Variants in TMOD1 observed in about 807,000 individuals in gnomAD.
TMOD1 encodes tropomodulin-1.
A neutral mutation model predicts 40.6 loss-of-function variants in TMOD1; 17 were observed. The observed-to-expected ratio is 0.42, with a 90% CI of 0.29 to 0.63. The LOEUF (loss-of-function observed/expected upper bound fraction) is 0.63. TMOD1 is among the 20% of genes least tolerant of loss of function. TMOD1 has a pLI of 0.22. For synonymous variants in TMOD1, 181 were observed against 175.0 expected (o/e 1.03, Z -0.27); for missense variants, 391 against 447.6 (o/e 0.87, Z 1.14).
chr9:97,522,951 G>T (rs78700708), intron 1 of TMOD1, among the ~76,000 whole-genome samples: 1 of 152,136 alleles, frequency 6.6e-6, no homozygotes, highest in African/African-American at 2.4e-5. Context: ...GGACAATAGC[G>T]CTCGAGGTCC....
intron 3 of TMOD1, among the ~76,000 whole-genome samples, chr9:97,546,929 CAA>C (rs71308254): frequency 7.2e-5 from 4 of 55,196 alleles, no homozygotes; most frequent in African/African-American, 7.3e-5. Flanking sequence ...ACTCCGTCTC[CAA>C]AAAAAAAAAA....
chr9:97,504,452 G>A (rs1387079782), intron 1 of TMOD1, among the ~76,000 whole-genome samples: 1 of 152,178 alleles, frequency 6.6e-6, no homozygotes, highest in African/African-American at 2.4e-5. Flanking sequence ...GGCATTCTAG[G>A]ATAAAGAGTA....
rs1587972741 is a variant in TMOD1 at position 97,601,675 on chromosome 9, A to G, written c.*1977A>G. On this transcript the variant is annotated 3_prime_UTR_variant, in exon 10 of 10. Coordinates refer to ENST00000259365, the MANE Select transcript of TMOD1 (RefSeq NM_003275.4). ...ACATAGTGTCTGTTGCAACTATTCA[A>G]CTCTGCCATAGATCATGTGTAAAGG... 1.5e-6 allele frequency: 1 copy of G among 654,178 alleles called. No individual in the cohort carries two copies. Among genetic ancestry groups the G allele is most frequent in the Non-Finnish European group, 1.9e-6 (1 of 526,780 alleles). The allele number at this position is 654,178 out of a possible 1,614,324, so 40.5% of individuals were successfully genotyped here.
At chr9:97,536,169 G>A (rs1486498809) in intron 2 of TMOD1, among the ~76,000 whole-genome samples, 1 of 152,196 alleles carries the variant, frequency 6.6e-6, no homozygotes, top group African/African-American at 2.4e-5. Context: ...TGTATATTGG[G>A]ATGGGACCAT....
At position 97,600,086 on chromosome 9, in the gene TMOD1, TG is replaced by T; in HGVS notation, c.*389del. Reference sequence around the variant, plus strand: ...AACGGCACACTCTTCCACATGCTTTTGAAGTATTATAAAACACTTTATTACA... The same window carrying T: ...AACGGCACACTCTTCCACATGCTTTTAAGTATTATAAAACACTTTATTACA... On this transcript the variant is annotated 3_prime_UTR_variant, in exon 10 of 10. Transcript: ENST00000259365. The T allele has an allele frequency of 3.9e-6, 4 of 1,026,218 alleles. No individual in the cohort carries two copies. The highest frequency in any genetic ancestry group is 4.7e-6 in the Non-Finnish European group (4 of 852,188). The allele number at this position is 1,026,218 out of a possible 1,614,324, so 63.6% of individuals were successfully genotyped here.
chr9:97,555,457 C>T lies in TMOD1; in HGVS notation c.397+2057C>T, dbSNP rs543871439. The T allele has an allele frequency of 4.2e-5, 60 of 1,424,606 alleles. 1 individual carries two copies. In the East Asian group the frequency reaches 1.5e-3, roughly 35 times the overall value. 88.2% of individuals were successfully genotyped at this position (1,424,606 alleles called of 1,614,324 possible). A position where few individuals can be genotyped will look rare whatever the true frequency, so the allele number is the denominator to read the frequency against. ...CCTGTGCCAGGTCAGAGCTGCAACTCTGTGCTACGTTTCTGTGTGGCTTTC... is the reference window on the plus strand; with the variant it reads ...CCTGTGCCAGGTCAGAGCTGCAACTTTGTGCTACGTTTCTGTGTGGCTTTC... On this transcript the variant is annotated intron_variant, in intron 4 of 9. Coordinates refer to ENST00000259365, the MANE Select transcript of TMOD1 (RefSeq NM_003275.4).
chr9:97,546,450 T>G, intron 3 of TMOD1, 109 bp downstream of exon 3: 1 of 1,177,050 alleles, frequency 8.5e-7, no homozygotes, highest in South Asian at 1.6e-5. Flanking sequence ...TGACTGGGCC[T>G]CCTTGTCCTC....
chr9:97,544,525 G>T (rs1349900734), intron 2 of TMOD1, among the ~76,000 whole-genome samples: 1 of 151,208 alleles, frequency 6.6e-6, no homozygotes, highest in Non-Finnish European at 1.5e-5. Context: ...GACAGAGAAA[G>T]ACTCTGTCTC....
intron 6 of TMOD1, among the ~76,000 whole-genome samples, chr9:97,565,265 AT>A (rs1830709263): frequency 6.6e-6 from 1 of 152,188 alleles, no homozygotes; most frequent in Non-Finnish European, 1.5e-5. Context: ...TAAAAAATAT[AT>A]ACCAACGCCC....
intron 7 of TMOD1, among the ~76,000 whole-genome samples, chr9:97,567,628 C>G (rs1830748809): frequency 6.6e-6 from 1 of 152,216 alleles, no homozygotes; most frequent in Admixed American, 6.5e-5. Flanking sequence ...CAGGCCAGGC[C>G]TTTCCTGGGA....
Position 97,568,911 on chromosome 9 carries a change from C to T in TMOD1, c.744C>T (p.Leu248=). ...GCTTCAAGGCCCTTGCTGAGATGCT[C>T]AAGGAGAACAAGGTGTTGAAGACAC... ...DPVAYALAEM[L]KENKVLKTLN... is the part of the protein sequence containing the mutation. Residue 248 remains leucine (L), a synonymous_variant, in exon 8 of 10, where the codon CTC becomes CTT. Coordinates refer to ENST00000259365, the MANE Select transcript of TMOD1 (RefSeq NM_003275.4). 1 of 1,614,074 alleles carries T rather than the reference C, an allele frequency of 6.2e-7. No homozygotes were observed. The highest frequency in any genetic ancestry group is 8.5e-7 in the Non-Finnish European group (1 of 1,180,000).
chr9:97,573,146 C>T (rs1830848746), intron 8 of TMOD1, among the ~76,000 whole-genome samples: 1 of 152,232 alleles, frequency 6.6e-6, no homozygotes, highest in Non-Finnish European at 1.5e-5. Context: ...AGGGAGCCTG[C>T]AGGCCCGGCC....
At position 97,502,335 on chromosome 9, in the gene TMOD1, G is replaced by T. The variant is rs933143291; in HGVS notation, c.-49+532G>T. 6.6e-6 allele frequency among the ~76,000 whole-genome samples: 1 copy of T among 152,204 alleles called. No homozygotes were observed. Among genetic ancestry groups the T allele is most frequent in the African/African-American group, 2.4e-5 (1 of 41,462 alleles). ...TGGATCCCAGGTTCGCGCTGAGAGTGTTTGGGGCAGGTGAAGTTTCCCAAA... is the reference window on the plus strand; with the variant it reads ...TGGATCCCAGGTTCGCGCTGAGAGTTTTTGGGGCAGGTGAAGTTTCCCAAA... On this transcript the variant is annotated intron_variant, in intron 1 of 9. Transcript: ENST00000259365. This position sits in a 1 kb window ranked among gnomAD's most constrained non-coding sequence, Gnocchi z 6.1.
chr9:97,517,829 G>T (rs1041473202), intron 1 of TMOD1: 1 of 152,790 alleles, frequency 6.5e-6, no homozygotes, highest in Admixed American at 6.5e-5. Context: ...AGGACAGCGA[G>T]TGGGCGTGGC....
chr9:97,601,112 C>T lies in TMOD1; in HGVS notation c.*1414C>T. On this transcript the variant is annotated 3_prime_UTR_variant, in exon 10 of 10. Coordinates refer to ENST00000259365, the MANE Select transcript of TMOD1 (RefSeq NM_003275.4). ...GGGCCTCAGCGCTATGGAAGAGTGT[C>T]CACTGAGGCTGCACATGGCCCAGGA... 1 of 1,304,316 alleles carries T rather than the reference C, an allele frequency of 7.7e-7. No homozygotes were observed. The highest frequency in any genetic ancestry group is 1.0e-6 in the Non-Finnish European group (1 of 988,950). 80.8% of individuals were successfully genotyped at this position (1,304,316 alleles called of 1,614,324 possible).
chr9:97,551,036 T>A lies in TMOD1; in HGVS notation c.278-2245T>A, dbSNP rs1447669376. ...TATATTTTTTTTTTTTTTTTTTTTT[T>A]TTTTTTAGATGGAGTCTTGCTCTGT... is the stretch of plus-strand genomic sequence containing the variant. On this transcript the variant is annotated intron_variant, in intron 3 of 9. Transcript: ENST00000259365. 3.5e-3 allele frequency among the ~76,000 whole-genome samples: 372 copies of A among 106,918 alleles called. 7 individuals are homozygous for A. The highest frequency in any genetic ancestry group is 9.1e-3 in the African/African-American group (211 of 23,110). The allele number at this position is 106,918 out of a possible 152,430, so 70.1% of individuals were successfully genotyped here. A position where few individuals can be genotyped will look rare whatever the true frequency, so the allele number is the denominator to read the frequency against.
intron 3 of TMOD1, among the ~76,000 whole-genome samples, chr9:97,547,146 A>G (rs1830376062): frequency 1.3e-5 from 2 of 152,004 alleles, no homozygotes; most frequent in African/African-American, 2.4e-5. Context: ...TGAAGGCCCC[A>G]GGAAACAGAG....
chr9:97,585,859 C>G (rs1587960465), intron 8 of TMOD1, among the ~76,000 whole-genome samples: 1 of 137,096 alleles, frequency 7.3e-6, no homozygotes, highest in Non-Finnish European at 1.6e-5. Context: ...GCTCCATCAG[C>G]TCCTTTAAGC....
chr9:97,531,725 C>A (rs921327843), intron 2 of TMOD1, among the ~76,000 whole-genome samples: 2 of 152,116 alleles, frequency 1.3e-5, no homozygotes, highest in South Asian at 4.1e-4. Context: ...AGTACCCCAC[C>A]CCAGGCATCT....
Sources: allele counts gnomAD v4.1 joint callset (sites outside exome capture counted in the v4.1 genomes callset), GRCh38; gene constraint gnomAD v4.1.1; non-coding constraint Gnocchi (gnomAD v3.1); transcripts MANE v1.5; gene names NCBI Gene and HGNC (gene_info 2026-07-23, HGNC 2026-07-21).